EGFR: variants seen among roughly 807,000 people sequenced by gnomAD.
EGFR encodes avian erythroblastic leukemia viral (v-erb-b) oncogene homolog.
EGFR carries 58 observed loss-of-function variants against 143.0 expected under a neutral mutation model. That is an observed-to-expected ratio of 0.41 (90% CI 0.33 to 0.50). EGFR has a LOEUF of 0.50. Among genes scored for constraint, EGFR ranks in the 20% least tolerant of loss-of-function variants. EGFR has a pLI of 0.39. For missense variants in EGFR, 1,307 were observed against 1,579.0 expected, an observed-to-expected ratio of 0.83 and a Z score of 2.92; for synonymous variants, 613 against 594.4, an observed-to-expected ratio of 1.03 and a Z score of -0.45.
In EGFR at chr7:55,206,980, G is replaced by T. The variant is rs1788123317; in HGVS notation, c.*1363G>T. On this transcript the variant is annotated 3_prime_UTR_variant, in exon 28 of 28. Transcript: ENST00000275493. Reference sequence around the variant, plus strand: ...TTGCAGATGTTTTAGAAGGAAAAAAGTTCCTTCCTAAAATAATTTCTCTAC... The same window carrying T: ...TTGCAGATGTTTTAGAAGGAAAAAATTTCCTTCCTAAAATAATTTCTCTAC... The T allele has an allele frequency of 8.6e-6, 2 of 232,950 alleles. No individual in the cohort carries two copies. The highest frequency in any genetic ancestry group is 5.6e-5 in the Admixed American group (1 of 17,774). The allele number at this position is 232,950 out of a possible 1,614,324, so 14.4% of individuals were successfully genotyped here.
intron 20 of EGFR, among the ~76,000 whole-genome samples, chr7:55,184,078 C>T (rs946556949): frequency 6.6e-6 from 1 of 152,248 alleles, no homozygotes; most frequent in African/African-American, 2.4e-5. Flanking sequence ...CTGGCGCATT[C>T]GCCGTGTGAA....
intron 1 of EGFR, among the ~76,000 whole-genome samples, chr7:55,136,343 C>T (rs1794139590): frequency 6.6e-6 from 1 of 152,144 alleles, no homozygotes; most frequent in South Asian, 2.1e-4. Flanking sequence ...TTTATAATGA[C>T]CAACCAGAAA....
At position 55,146,700 on chromosome 7, in the gene EGFR, C is replaced by T. The variant is rs777401847; in HGVS notation, c.519C>T (p.Leu173=). 1 of 1,614,186 alleles carries T rather than the reference C, an allele frequency of 6.2e-7. No homozygotes were observed. The highest frequency in any genetic ancestry group is 1.7e-5 in the Admixed American group (1 of 60,030). Residue 173 remains leucine (L), a synonymous_variant, in exon 4 of 28, where the codon CTC becomes CTT. Transcript: ENST00000275493. ...QWRDIVSSDF[L]SNMSMDFQNH... is the part of the protein sequence containing the mutation. The stretch of plus-strand genomic sequence containing the variant: ...GGGACATAGTCAGCAGTGACTTTCT[C>T]AGCAACATGTCGATGGACTTCCAGA...
chr7:55,052,228 G>A (rs1788532106), intron 1 of EGFR, among the ~76,000 whole-genome samples: 4 of 152,190 alleles, frequency 2.6e-5, no homozygotes, highest in African/African-American at 4.8e-5. Flanking sequence ...AAAAGGCACT[G>A]AGCCAGTGCA....
At chr7:55,109,833 T>C in intron 1 of EGFR, 4 of 985,470 alleles carry the variant, frequency 4.1e-6, no homozygotes, top group Non-Finnish European at 4.8e-6. Flanking sequence ...GAATGAGCTC[T>C]AAAACAGTTC....
At chr7:55,127,514 T>G in intron 1 of EGFR, among the ~76,000 whole-genome samples, 1 of 151,530 alleles carries the variant, frequency 6.6e-6, no homozygotes, top group Non-Finnish European at 1.5e-5. Flanking sequence ...GCACAAATTG[T>G]TACAAAAGTT....
chr7:55,068,034 A>ATGTGTG (rs1789613208), intron 1 of EGFR, among the ~76,000 whole-genome samples: 16 of 149,280 alleles, frequency 1.1e-4, no homozygotes, highest in Admixed American at 1.1e-3. Context: ...GTGTATGTGT[A>ATGTGTG]TATGTGTATG....
At chr7:55,167,217 C>T (rs1452117632) in intron 15 of EGFR, among the ~76,000 whole-genome samples, 2 of 79,248 alleles carry the variant, frequency 2.5e-5, no homozygotes, top group Non-Finnish European at 4.8e-5. Flanking sequence ...ACAATGGTGT[C>T]GGTGGTGATG....
At position 55,163,798 on chromosome 7, in the gene EGFR, C is replaced by T. The variant is rs2128944761; in HGVS notation, c.1697C>T (p.Ala566Val). ...IQCHPECLPQ[A>V]MNITCTGRGP... ...TGCCACCCAGAGTGCCTGCCTCAGG[C>T]CATGAACATCACCTGCACAGGACGG... Residue 566 changes from alanine (A) to valine (V), a missense_variant, in exon 14 of 28, where the codon GCC becomes GTC. By Grantham distance (64) the Ala-to-Val change is moderately conservative. Around this residue, in one of 7 missense-constraint regions of EGFR, gnomAD observed 250 missense variants for 295.1 expected, o/e 0.85. Coordinates refer to ENST00000275493, the MANE Select transcript of EGFR (RefSeq NM_005228.5). 6.2e-7 allele frequency: 1 copy of T among 1,614,220 alleles called. No homozygotes were observed. Among genetic ancestry groups the T allele is most frequent in the South Asian group, 1.1e-5 (1 of 91,084 alleles).
At chr7:55,175,579 T>C (rs1248590496) in intron 19 of EGFR, among the ~76,000 whole-genome samples, 1 of 152,064 alleles carries the variant, frequency 6.6e-6, no homozygotes, top group Non-Finnish European at 1.5e-5. Flanking sequence ...TTTGCTCTTG[T>C]CCCAACACAG....
At chr7:55,109,157 C>T (rs1394811945) in intron 1 of EGFR, among the ~76,000 whole-genome samples, 1 of 152,148 alleles carries the variant, frequency 6.6e-6, no homozygotes, top group African/African-American at 2.4e-5. Context: ...AAACCTTGAA[C>T]ATCAGAAAGG....
chr7:55,151,505 C>A, intron 5 of EGFR, 143 bp downstream of exon 5: 3 of 890,448 alleles, frequency 3.4e-6, no homozygotes, highest in Non-Finnish European at 5.4e-6. Context: ...AGGTGAAGGA[C>A]AGTCTTGCAA....
intron 5 of EGFR, 67 bp downstream of exon 5, chr7:55,151,429 T>C: frequency 6.5e-7 from 1 of 1,536,496 alleles, no homozygotes; most frequent in Admixed American, 1.7e-5. Context: ...GCTTAGGTGA[T>C]TGGATTTGTT....
chr7:55,071,138 C>T (rs1299469510), intron 1 of EGFR, among the ~76,000 whole-genome samples: 1 of 152,196 alleles, frequency 6.6e-6, no homozygotes, highest in Admixed American at 6.5e-5. Context: ...GAGCAAGTTT[C>T]CACCACTGTT....
chr7:55,142,913 G>A (rs1794545171), intron 2 of EGFR, among the ~76,000 whole-genome samples: 1 of 152,130 alleles, frequency 6.6e-6, no homozygotes, highest in African/African-American at 2.4e-5. Context: ...ACTGAATTTT[G>A]GATGGGGTTT....
intron 1 of EGFR, among the ~76,000 whole-genome samples, chr7:55,063,930 T>C (rs1463690113): frequency 6.6e-6 from 1 of 152,242 alleles, no homozygotes; most frequent in Non-Finnish European, 1.5e-5. Flanking sequence ...TGTCTCTTCT[T>C]GGCTTCTCAT....
At chr7:55,157,014 A>G in intron 10 of EGFR, 182 bp downstream of exon 10, 1 of 1,433,560 alleles carries the variant, frequency 7.0e-7, no homozygotes, top group Non-Finnish European at 9.3e-7. Flanking sequence ...GGGACACGTT[A>G]AGTCCAGGCT....
At chr7:55,141,701 T>C (rs41471148) in intron 1 of EGFR, among the ~76,000 whole-genome samples, 25 of 152,380 alleles carry the variant, frequency 1.6e-4, no homozygotes, top group African/African-American at 6.0e-4. Flanking sequence ...TTGTCCCTGA[T>C]TTTAGGTGTA....
intron 27 of EGFR, among the ~76,000 whole-genome samples, chr7:55,203,565 C>T (rs1281707268): frequency 4.3e-4 from 4 of 9,384 alleles, no homozygotes; most frequent in African/African-American, 9.5e-4. Flanking sequence ...ATACACACAC[C>T]ACACACACAT....
Sources: allele counts gnomAD v4.1 joint callset (sites outside exome capture counted in the v4.1 genomes callset), GRCh38; gene constraint gnomAD v4.1.1; regional missense constraint gnomAD v4.1.1; transcripts MANE v1.5; gene names NCBI Gene and HGNC (gene_info 2026-07-23, HGNC 2026-07-21).